Variants in LMO7 observed in about 807,000 individuals in gnomAD.
The protein encoded by LMO7 is LIM domain 7.
LMO7 carries 120 observed loss-of-function variants against 206.5 expected under a neutral mutation model. The ratio of observed to expected loss-of-function variants is 0.58; its 90% CI spans 0.50 to 0.68. The LOEUF (loss-of-function observed/expected upper bound fraction) is 0.68, where lower values mean the gene tolerates loss of function less well. Ranked by LOEUF, LMO7 falls within the 30% of genes least tolerant of loss-of-function variation. LMO7 has a pLI of 0.00. For synonymous variants in LMO7, 706 were observed against 681.5 expected, an observed-to-expected ratio of 1.04 and a Z score of -0.56; for missense variants, 1,959 against 1,957.9, an observed-to-expected ratio of 1.00 and a Z score of -0.01.
chr13:75,779,417 A>G (rs1304853278), intron 4 of LMO7, among the ~76,000 whole-genome samples: 1 of 152,164 alleles, frequency 6.6e-6, no homozygotes, highest in Non-Finnish European at 1.5e-5. Flanking sequence ...GGAACGTTGA[A>G]ATTGATTGCA....
intron 2 of LMO7, among the ~76,000 whole-genome samples, chr13:75,631,023 A>T (rs953997463): frequency 2.7e-5 from 4 of 150,880 alleles, no homozygotes; most frequent in Non-Finnish European, 5.9e-5. Flanking sequence ...TTTACTTTTT[A>T]TTATTATTAT....
intron 15 of LMO7, among the ~76,000 whole-genome samples, chr13:75,825,838 C>T (rs752563060): frequency 6.6e-6 from 1 of 152,102 alleles, no homozygotes; most frequent in Non-Finnish European, 1.5e-5. Context: ...GATGTTATAA[C>T]TCTAGGTGTT....
chr13:75,792,412 C>G (rs1019514295), intron 4 of LMO7, among the ~76,000 whole-genome samples: 1 of 152,180 alleles, frequency 6.6e-6, no homozygotes, highest in African/African-American at 2.4e-5. Flanking sequence ...AGACCCAGAT[C>G]TGACTCCAAA....
intron 1 of LMO7, among the ~76,000 whole-genome samples, chr13:75,654,896 A>C (rs1555288263): frequency 1.3e-5 from 2 of 148,176 alleles, no homozygotes; most frequent in Non-Finnish European, 3.0e-5. Flanking sequence ...TTTTGACAAA[A>C]TCTTCGCTCT....
chr13:75,708,302 C>G (rs2042809273), intron 1 of LMO7, among the ~76,000 whole-genome samples: 1 of 152,204 alleles, frequency 6.6e-6, no homozygotes, highest in Non-Finnish European at 1.5e-5. Flanking sequence ...GGTCAGACTT[C>G]AGTTCTTTTT....
intron 4 of LMO7, among the ~76,000 whole-genome samples, chr13:75,793,319 A>C (rs1312673892): frequency 1.3e-5 from 2 of 152,172 alleles, no homozygotes; most frequent in Non-Finnish European, 2.9e-5. Flanking sequence ...CTTGTCGCCC[A>C]GACTGGAATG....
chr13:75,711,518 C>T (rs909067197), intron 1 of LMO7, among the ~76,000 whole-genome samples: 2 of 152,144 alleles, frequency 1.3e-5, no homozygotes, highest in African/African-American at 2.4e-5. Flanking sequence ...CCGTCTGTCA[C>T]CCCTGTCTTT....
At chr13:75,740,676 T>A (rs910257655) in intron 3 of LMO7, among the ~76,000 whole-genome samples, 8 of 152,230 alleles carry the variant, frequency 5.3e-5, no homozygotes, top group African/African-American at 1.9e-4. Context: ...GGGTGAATTC[T>A]GTGTGACTCC....
At position 75,807,914 on chromosome 13, in the gene LMO7, C is replaced by T. The variant is rs2055758996; in HGVS notation, c.1631C>T (p.Pro544Leu). 1.9e-6 allele frequency: 3 copies of T among 1,613,970 alleles called. No homozygotes were observed. Among genetic ancestry groups the T allele is most frequent in the Non-Finnish European group, 2.5e-6 (3 of 1,179,890 alleles). Residue 544 changes from proline (P) to leucine (L), a missense_variant, in exon 10 of 31, where the codon CCC becomes CTC. By Grantham distance (98) the Pro-to-Leu change is moderately conservative. Transcript: ENST00000377534. ...GATAGATACCACCCAGTCCCTTTTC[C>T]CGAACCCTGGACTCTTCCTCCAGAA... ...APDRYHPVPF[P>L]EPWTLPPEIQ... is the part of the protein sequence containing the mutation.
At chr13:75,695,216 T>C (rs1566318461) in intron 1 of LMO7, among the ~76,000 whole-genome samples, 1 of 152,232 alleles carries the variant, frequency 6.6e-6, no homozygotes. Flanking sequence ...GCTTCTTGGT[T>C]GTACCTTCTT....
At chr13:75,635,906 C>T (rs1010793222), upstream of LMO7, 2 of 152,464 alleles carry the variant, frequency 1.3e-5, no homozygotes, top group Non-Finnish European at 2.9e-5. Context: ...GGCGGCGGGC[C>T]GCGCTCCCCA....
intron 26 of LMO7, among the ~76,000 whole-genome samples, chr13:75,846,579 A>C (rs1015449072): frequency 3.9e-5 from 6 of 152,206 alleles, no homozygotes; most frequent in South Asian, 4.1e-4. Context: ...CGATTATATT[A>C]TCTCTCCTGA....
chr13:75,773,799 A>T (rs2050041668), intron 4 of LMO7, among the ~76,000 whole-genome samples: 1 of 152,176 alleles, frequency 6.6e-6, no homozygotes, highest in South Asian at 2.1e-4. Context: ...GGCTTTGTAG[A>T]TTTGGGAGGC....
At chr13:75,836,062 T>G (rs1285255300) in intron 18 of LMO7, among the ~76,000 whole-genome samples, 3 of 152,148 alleles carry the variant, frequency 2.0e-5, no homozygotes, top group African/African-American at 7.2e-5. Flanking sequence ...TAAGAAATGT[T>G]TAAGTGTTTG....
chr13:75,812,150 G>C (rs1000066357), intron 11 of LMO7, among the ~76,000 whole-genome samples: 1 of 58,204 alleles, frequency 1.7e-5, no homozygotes, highest in Non-Finnish European at 3.4e-5. Flanking sequence ...CATAGCCAGA[G>C]ATACTGCTAA....
intron 14 of LMO7, among the ~76,000 whole-genome samples, chr13:75,822,767 T>TATAC (rs1281763985): frequency 8.4e-5 from 7 of 83,664 alleles, no homozygotes; most frequent in Admixed American, 3.0e-4. Flanking sequence ...AGAAACTATA[T>TATAC]ATATATATAT....
chr13:75,848,249 T>C (rs1170705702), intron 26 of LMO7, among the ~76,000 whole-genome samples: 1 of 152,146 alleles, frequency 6.6e-6, no homozygotes. Context: ...ACAAAGTCCA[T>C]TGTGTCATTT....
Position 75,808,011 on chromosome 13 carries a change from A to G in LMO7, c.1728A>G (p.Ile576Met), listed in dbSNP as rs1423837202. 1.9e-6 allele frequency: 3 copies of G among 1,613,890 alleles called. No homozygotes were observed. The change falls in exon 10 of 31, where the codon ATA becomes ATG. Residue 576 changes from isoleucine (I) to methionine (M), a missense_variant. Transcript: ENST00000377534. ...PSKEKSNSCR[I>M]LVPSYRQKKD... ...AAGAAAAAAGTAATAGCTGTAGAAT[A>G]TTAGTTCCTTCATATCGGCAGAAGA...
At chr13:75,663,140 T>C (rs1191747400) in intron 1 of LMO7, among the ~76,000 whole-genome samples, 1 of 151,968 alleles carries the variant, frequency 6.6e-6, no homozygotes, top group Non-Finnish European at 1.5e-5. Flanking sequence ...TTTTTTACTA[T>C]AAATCTCTCT....
Sources: allele counts gnomAD v4.1 joint callset (sites outside exome capture counted in the v4.1 genomes callset), GRCh38; gene constraint gnomAD v4.1.1; transcripts MANE v1.5; gene names NCBI Gene and HGNC (gene_info 2026-07-23, HGNC 2026-07-21).